CYP4F11: variants seen among roughly 807,000 people sequenced by gnomAD.
The protein encoded by CYP4F11 is cytochrome P450 family 4 subfamily F member 11.
A neutral mutation model predicts 62.2 loss-of-function variants in CYP4F11; 79 were observed. That is an observed-to-expected ratio of 1.27 (90% confidence interval 1.06 to 1.53). The LOEUF is 1.53. Among genes scored for constraint, CYP4F11 ranks in the 40% most tolerant of loss-of-function variants. The pLI is 0.00. For missense variants in CYP4F11, 777 were observed against 680.5 expected, an observed-to-expected ratio of 1.14 and a Z score of -1.58; for synonymous variants, 290 against 263.7, an observed-to-expected ratio of 1.10 and a Z score of -0.97.
chr19:15,927,713 A>G lies in CYP4F11; in HGVS notation c.344-230T>C, dbSNP rs61633749. On this transcript the variant is annotated intron_variant, in intron 2 of 11. Transcript: ENST00000402119. ...ACAGCATGCCCCAGCACACAGTGAC[A>G]TATCTCCTACAAGGTCCAACATGTT... 2,578 of 587,554 alleles carry G rather than the reference A, an allele frequency of 4.4e-3. 51 individuals are homozygous for G. Among genetic ancestry groups the G allele is most frequent in the African/African-American group, 0.04 (2,140 of 53,728 alleles). The allele number at this position is 587,554 out of a possible 1,614,324, so 36.4% of individuals were successfully genotyped here. A position where few individuals can be genotyped will look rare whatever the true frequency, so the allele number is the denominator to read the frequency against.
intron 8 of CYP4F11, among the ~76,000 whole-genome samples, chr19:15,919,509 TA>T (rs2089609181): frequency 1.3e-5 from 2 of 148,858 alleles, no homozygotes; most frequent in Admixed American, 6.8e-5. Flanking sequence ...GATAGATAGA[TA>T]GATAGATAGA....
intron 8 of CYP4F11, among the ~76,000 whole-genome samples, chr19:15,917,162 A>G (rs1316185543): frequency 2.0e-5 from 3 of 152,222 alleles, no homozygotes; most frequent in Non-Finnish European, 4.4e-5. Flanking sequence ...TAAGTGAAGT[A>G]ACTCAAGAAT....
At chr19:15,915,376 T>C (rs750922793) in intron 8 of CYP4F11, among the ~76,000 whole-genome samples, 6 of 152,238 alleles carry the variant, frequency 3.9e-5, no homozygotes, top group African/African-American at 1.2e-4. Context: ...AACACTTCAC[T>C]GGAAAACATT....
chr19:15,930,147 T>G (rs760526540), intron 1 of CYP4F11, among the ~76,000 whole-genome samples: 3 of 152,040 alleles, frequency 2.0e-5, no homozygotes, highest in Non-Finnish European at 4.4e-5. Context: ...CCCTGAGTAA[T>G]GCACCTCCCC....
Position 15,925,992 on chromosome 19 carries a change from G to A in CYP4F11, c.526-1110C>T, listed in dbSNP as rs184556632. ...ATCCTGGCTAACATGGTGAAACCCCGTCTCTACTAAAAATACAAAAAATTA... is the reference window on the plus strand; with the variant it reads ...ATCCTGGCTAACATGGTGAAACCCCATCTCTACTAAAAATACAAAAAATTA... On this transcript the variant is annotated intron_variant, in intron 4 of 11. Coordinates refer to ENST00000402119, the MANE Select transcript of CYP4F11 (RefSeq NM_021187.4). 6.9e-4 allele frequency among the ~76,000 whole-genome samples: 104 copies of A among 151,764 alleles called. 1 individual carries two copies. The highest frequency in any genetic ancestry group is 1.2e-3 in the Non-Finnish European group (83 of 67,938).
chr19:15,924,635 G>C, intron 5 of CYP4F11, 126 bp downstream of exon 5: 1 of 1,111,158 alleles, frequency 9.0e-7, no homozygotes, highest in Non-Finnish European at 1.3e-6. Context: ...ATCCTTCAAA[G>C]CCCAGCTATG....
At chr19:15,922,644 G>A (rs185871533) in intron 6 of CYP4F11, among the ~76,000 whole-genome samples, 2 of 152,296 alleles carry the variant, frequency 1.3e-5, no homozygotes, top group Admixed American at 6.5e-5. Context: ...CTGCTGGGAA[G>A]AGTCAATGAC....
At chr19:15,919,470 GT>G (rs1352781623) in intron 8 of CYP4F11, among the ~76,000 whole-genome samples, 1 of 109,152 alleles carries the variant, frequency 9.2e-6, no homozygotes, top group Non-Finnish European at 2.0e-5. Flanking sequence ...ATGGACAGAT[GT>G]ATAGATAGAT....
chr19:15,931,237 A>G (rs1246467414), intron 1 of CYP4F11, among the ~76,000 whole-genome samples: 1 of 151,810 alleles, frequency 6.6e-6, no homozygotes, highest in Non-Finnish European at 1.5e-5. Flanking sequence ...GTCCCTGCGT[A>G]TGGAAAGGGG....
At chr19:15,925,001 C>A in intron 4 of CYP4F11, 119 bp from the exon 5 acceptor site, 2 of 1,210,126 alleles carry the variant, frequency 1.7e-6, no homozygotes, top group Non-Finnish European at 1.1e-6. Flanking sequence ...CCCAGGTACC[C>A]ATCCCCAGGA....
At position 15,923,880 on chromosome 19, in the gene CYP4F11, C is replaced by T; in HGVS notation, c.850G>A (p.Asp284Asn). Residue 284 changes from aspartate to asparagine, a missense_variant, in exon 6 of 12, where the codon GAT (aspartate) becomes AAT (asparagine). Physicochemically the swap from Asp to Asn is conservative, Grantham distance 23. Transcript: ENST00000402119. ...TTTGCCTTGTTCTTGAGGAAATCAT[C>T]AATACCCTGAGTGGGGAGGGTGCAG... ...RRCTLPTQGI[D>N]DFLKNKAKSK... 6.2e-7 allele frequency: 1 copy of T among 1,614,216 alleles called. No homozygotes were observed. The highest frequency in any genetic ancestry group is 8.5e-7 in the Non-Finnish European group (1 of 1,180,040).
chr19:15,913,829 G>T lies in CYP4F11; in HGVS notation c.1478C>A (p.Pro493Gln). 2 of 1,614,102 alleles carry T rather than the reference G, an allele frequency of 1.2e-6. No individual in the cohort carries two copies. The highest frequency in any genetic ancestry group is 1.7e-6 in the Non-Finnish European group (2 of 1,179,986). Residue 493 changes from proline (P) to glutamine (Q), a missense_variant, in exon 12 of 12, where the codon CCG becomes CAG. Physicochemically the swap from Pro to Gln is moderately conservative, Grantham distance 76 (BLOSUM62 -1). Transcript: ENST00000402119. ...ALTLLHFRILPTHTEPRRKPE... is the reference protein window; with the variant it reads ...ALTLLHFRILQTHTEPRRKPE... Reference sequence around the variant, plus strand: ...TTTCCTGCGGGGTTCAGTGTGGGTCGGCAGGATGCGGAAGTGCAGCAGGGT... The same window carrying T: ...TTTCCTGCGGGGTTCAGTGTGGGTCTGCAGGATGCGGAAGTGCAGCAGGGT...
At position 15,912,723 on chromosome 19, in the gene CYP4F11, GTGTGTGTGTGTA is replaced by G. The variant is rs1490489485; in HGVS notation, c.*997_*1008del. On this transcript the variant is annotated 3_prime_UTR_variant, in exon 12 of 12. Transcript: ENST00000402119. ...TGTGTGTGTGTGTGTGTGTGTGTGT[GTGTGTGTGTGTA>G]TATGTATATATGTGTGTGTGTGTGT... 14 of 85,006 alleles carry G rather than the reference GTGTGTGTGTGTA, an allele frequency of 1.6e-4. No individual in the cohort carries two copies. Among genetic ancestry groups the G allele is most frequent in the African/African-American group, 3.2e-4 (7 of 21,680 alleles). The allele number at this position is 85,006 out of a possible 1,614,324, so 5.3% of individuals were successfully genotyped here.
chr19:15,928,871 C>T (rs1016155371), intron 2 of CYP4F11, among the ~76,000 whole-genome samples: 15 of 152,298 alleles, frequency 9.8e-5, no homozygotes, highest in Non-Finnish European at 2.2e-4. Flanking sequence ...ACTCACCAGA[C>T]TTGAACATCA....
chr19:15,923,910 G>A lies in CYP4F11; in HGVS notation c.820C>T (p.Arg274Trp), dbSNP rs758723938. Residue 274 changes from arginine (R) to tryptophan (W), a missense_variant, in exon 6 of 12, where the codon CGG (arginine) becomes TGG (tryptophan). Coordinates refer to ENST00000402119, the MANE Select transcript of CYP4F11 (RefSeq NM_021187.4). ...HDFTDAVIQE[R>W]RCTLPTQGID... is the part of the protein sequence containing the mutation. ...CCCTGAGTGGGGAGGGTGCAGCGCCGCTCCTGGATGACGGCATCTGTGAAG... is the reference window on the plus strand; with the variant it reads ...CCCTGAGTGGGGAGGGTGCAGCGCCACTCCTGGATGACGGCATCTGTGAAG... 6.4e-5 allele frequency: 103 copies of A among 1,614,050 alleles called. No homozygotes were observed. The highest frequency in any genetic ancestry group is 2.5e-4 in the South Asian group (23 of 91,090).
chr19:15,915,802 T>C (rs2145037186), intron 8 of CYP4F11, among the ~76,000 whole-genome samples: 1 of 152,176 alleles, frequency 6.6e-6, no homozygotes, highest in East Asian at 1.9e-4. Context: ...AAAAACTATA[T>C]ACTTGAGTAA....
At position 15,914,628 on chromosome 19, in the gene CYP4F11, T is replaced by G. The variant is rs748057327; in HGVS notation, c.1288A>C (p.Asn430His). 1 of 1,614,122 alleles carries G rather than the reference T, an allele frequency of 6.2e-7. No homozygotes were observed. Among genetic ancestry groups the G allele is most frequent in the Admixed American group, 1.7e-5 (1 of 60,024 alleles). The change falls in exon 10 of 12, where the codon AAC (asparagine) becomes CAC (histidine). Residue 430 changes from asparagine (N) to histidine (H), a missense_variant. Physicochemically the swap from Asn to His is moderately conservative, Grantham distance 68. Transcript: ENST00000402119. ...TCAGGGTCTGGCCACACAGTTGGGT[T>G]GTAATGGATCCCGATAATATTGATG... is the stretch of plus-strand genomic sequence containing the variant. The part of the protein sequence containing the change: ...CLINIIGIHY[N>H]PTVWPDPEVY...
chr19:15,931,313 G>A (rs551367541), intron 1 of CYP4F11, among the ~76,000 whole-genome samples: 2 of 151,930 alleles, frequency 1.3e-5, no homozygotes, highest in Admixed American at 6.5e-5. Flanking sequence ...AATGGGCCAG[G>A]CAGGGAGTAG....
At chr19:15,921,312 T>C (rs2089627235) in intron 8 of CYP4F11, among the ~76,000 whole-genome samples, 1 of 152,216 alleles carries the variant, frequency 6.6e-6, no homozygotes, top group Admixed American at 6.5e-5. Flanking sequence ...CCTCAAGTGA[T>C]CCTCCCACCT....
Sources: gnomAD v4.1 joint callset for allele counts (sites outside exome capture counted in the v4.1 genomes callset) on GRCh38, gnomAD v4.1.1 for gene constraint, MANE v1.5 for transcripts, NCBI Gene and HGNC (gene_info 2026-07-23, HGNC 2026-07-21) for gene names.